The following ST14 variants were observed in gnomAD, a reference collection of about 807,000 sequenced individuals.
ST14 encodes suppressor of tumorigenicity 14 protein.
Under a neutral mutation model 96.5 loss-of-function variants are expected in ST14, and 40 were observed. The ratio of observed to expected loss-of-function variants is 0.41; its 90% CI spans 0.32 to 0.54. The LOEUF (loss-of-function observed/expected upper bound fraction) is 0.54. Ranked by LOEUF, ST14 falls within the 20% of genes least tolerant of loss-of-function variation. ST14 has a pLI of 0.17. For synonymous variants in ST14, 506 were observed against 492.1 expected (o/e 1.03, Z -0.37); for missense variants, 1,066 against 1,188.9 (o/e 0.90, Z 1.52).
At chr11:130,163,334 G>A (rs1953013206) in intron 1 of ST14, among the ~76,000 whole-genome samples, 1 of 152,190 alleles carries the variant, frequency 6.6e-6, no homozygotes, top group African/African-American at 2.4e-5. Flanking sequence ...ATCTTTCTAT[G>A]AAAAGAAAAT....
At position 130,181,269 on chromosome 11, in the gene ST14, C is replaced by A. The variant is rs990740393; in HGVS notation, c.82-6845C>A. On this transcript the variant is annotated intron_variant, in intron 1 of 18. Coordinates refer to ENST00000278742, the MANE Select transcript of ST14 (RefSeq NM_021978.4). This position sits in a 1 kb window ranked among gnomAD's most constrained non-coding sequence, Gnocchi z 4.1. ...AGATCCTGGCCCTTTAGGGTCTGTACCCTGCTTGTCCTGAGCCCTTTATCC... is the reference window on the plus strand; with the variant it reads ...AGATCCTGGCCCTTTAGGGTCTGTAACCTGCTTGTCCTGAGCCCTTTATCC... Among the ~76,000 whole-genome samples the A allele has an allele frequency of 1.3e-5, 2 of 152,104 alleles. No homozygotes were observed. Among genetic ancestry groups the A allele is most frequent in the Admixed American group, 6.5e-5 (1 of 15,274 alleles).
chr11:130,177,203 C>A (rs1953147349), intron 1 of ST14, among the ~76,000 whole-genome samples: 1 of 152,100 alleles, frequency 6.6e-6, no homozygotes, highest in South Asian at 2.1e-4. Context: ...TTCGATTTCC[C>A]ACCTTAGCCA....
At chr11:130,201,464 T>C (rs540459794) in intron 16 of ST14, among the ~76,000 whole-genome samples, 4 of 152,228 alleles carry the variant, frequency 2.6e-5, no homozygotes, top group Non-Finnish European at 4.4e-5. Context: ...GAGGCACAGA[T>C]GGAGTGTGCT....
intron 1 of ST14, among the ~76,000 whole-genome samples, chr11:130,169,266 T>G (rs986116947): frequency 6.6e-6 from 1 of 152,092 alleles, no homozygotes; most frequent in Non-Finnish European, 1.5e-5. Flanking sequence ...AGCTAATTTT[T>G]GTATTTTTAG....
chr11:130,204,676 G>C (rs1953468498), intron 16 of ST14, among the ~76,000 whole-genome samples: 1 of 152,084 alleles, frequency 6.6e-6, no homozygotes. Flanking sequence ...GCTGAGCATG[G>C]TGGCATGCAC....
rs2276117 is a variant in ST14 at position 130,199,809 on chromosome 11, C to T, written c.1808-142C>T. On this transcript the variant is annotated intron_variant, in intron 15 of 18. Coordinates refer to ENST00000278742, the MANE Select transcript of ST14 (RefSeq NM_021978.4). Reference sequence around the variant, plus strand: ...CAAAGATAGTTTTGGGGGTCCCTCACGCCCTGGCCACGCCAGCAGTGCTGT... The same window carrying T: ...CAAAGATAGTTTTGGGGGTCCCTCATGCCCTGGCCACGCCAGCAGTGCTGT... 459,826 of 945,828 alleles carry T rather than the reference C, an allele frequency of 0.49. 116,678 individuals carry two copies. The highest frequency in any genetic ancestry group is 0.77 in the East Asian group (31,786 of 41,438). 58.6% of individuals were successfully genotyped at this position (945,828 alleles called of 1,614,324 possible). A position where few individuals can be genotyped will look rare whatever the true frequency, so the allele number is the denominator to read the frequency against.
chr11:130,199,524 A>G (rs1953405745), intron 15 of ST14, among the ~76,000 whole-genome samples: 1 of 152,172 alleles, frequency 6.6e-6, no homozygotes, highest in South Asian at 2.1e-4. Flanking sequence ...GTGACCTCAC[A>G]TCAGCGGTTC....
intron 8 of ST14, 37 bp from the exon 9 acceptor site, chr11:130,194,603 T>A (rs1388320702): frequency 1.2e-6 from 2 of 1,608,830 alleles, no homozygotes; most frequent in East Asian, 4.5e-5. Context: ...CCGGGCAGGT[T>A]CCTGATCCTC....
In ST14 at chr11:130,181,716, C is replaced by T. The variant is rs1020820736; in HGVS notation, c.82-6398C>T. ...ACTTTATTAACTTTGTGACCTTGGA[C>T]AGGCCACTCCCTCTCTTTCATCCTC... is the stretch of plus-strand genomic sequence containing the variant. On this transcript the variant is annotated intron_variant, in intron 1 of 18. Transcript: ENST00000278742. The surrounding 1 kb of genome is among the most constrained non-coding windows in gnomAD (Gnocchi z 4.1). Among the ~76,000 whole-genome samples, 1 of 151,964 alleles carries T rather than the reference C, an allele frequency of 6.6e-6. No homozygotes were observed. Among genetic ancestry groups the T allele is most frequent in the African/African-American group, 2.4e-5 (1 of 41,398 alleles).
At chr11:130,171,022 G>A (rs1197720624) in intron 1 of ST14, among the ~76,000 whole-genome samples, 1 of 152,262 alleles carries the variant, frequency 6.6e-6, no homozygotes, top group Admixed American at 6.5e-5. Context: ...GCAGTGAAAC[G>A]GGAAATCTGA....
chr11:130,191,011 T>A (rs887496105), intron 7 of ST14, among the ~76,000 whole-genome samples: 2 of 152,180 alleles, frequency 1.3e-5, no homozygotes, highest in African/African-American at 4.8e-5. Context: ...GCTTTATTAT[T>A]CAGGGATATG....
At chr11:130,193,716 C>T (rs993519730) in intron 7 of ST14, among the ~76,000 whole-genome samples, 1 of 152,142 alleles carries the variant, frequency 6.6e-6, no homozygotes, top group Non-Finnish European at 1.5e-5. Flanking sequence ...GTGATTCACC[C>T]GCCTTGGCCT....
chr11:130,198,127 G>A (rs1389816563), intron 12 of ST14, among the ~76,000 whole-genome samples, 181 bp from the exon 13 acceptor site: 2 of 152,244 alleles, frequency 1.3e-5, no homozygotes, highest in African/African-American at 4.8e-5. Flanking sequence ...CTTGGCCTGT[G>A]GGGCAGGTGG....
chr11:130,194,798 G>A (rs1474621953), intron 9 of ST14, 61 bp downstream of exon 9: 2 of 1,554,620 alleles, frequency 1.3e-6, no homozygotes, highest in Non-Finnish European at 1.8e-6. Flanking sequence ...ACGTGTGTGT[G>A]TCTCCCTGTG....
rs111252177 is a variant in ST14, at chr11:130,190,394, C to T, written c.635-60C>T. 1.6e-5 allele frequency: 25 copies of T among 1,598,828 alleles called. No homozygotes were observed. The African/African-American group carries it at 2.0e-4, about 13-fold the overall frequency. ...TCCACACCCACGGGGTCTCAGGGTC[C>T]TCCCCCAGCTCTGCCCAGCCCTGCC... On this transcript the variant is annotated intron_variant, in intron 6 of 18. Transcript: ENST00000278742.
intron 1 of ST14, among the ~76,000 whole-genome samples, chr11:130,162,149 C>T (rs754211942): frequency 1.1e-4 from 16 of 152,172 alleles, no homozygotes; most frequent in Non-Finnish European, 1.8e-4. Context: ...TGCATCCATC[C>T]GTGCACCCTT....
chr11:130,188,716 G>A lies in ST14; in HGVS notation c.369+59G>A. On this transcript the variant is annotated intron_variant, in intron 3 of 18. Coordinates refer to ENST00000278742, the MANE Select transcript of ST14 (RefSeq NM_021978.4). The surrounding 1 kb of genome is among the most constrained non-coding windows in gnomAD (Gnocchi z 5.4). ...GTGTGCGCTGGTGTCCCACCTGCTG[G>A]GCAGGAGGGACATGCCTCGCCTGTG... 6.2e-7 allele frequency: 1 copy of A among 1,612,262 alleles called. No individual in the cohort carries two copies. Among genetic ancestry groups the A allele is most frequent in the Middle Eastern group, 1.7e-4 (1 of 6,034 alleles).
chr11:130,205,187 C>T lies in ST14; in HGVS notation c.1995-3223C>T, dbSNP rs914930152. On this transcript the variant is annotated intron_variant, in intron 16 of 18. Transcript: ENST00000278742. ...CTGTCCCCAGGCTGGAGTGCAGCAG[C>T]GTGATCTCAGCTCACTGCAACCTCT... Among the ~76,000 whole-genome samples, 14 of 152,024 alleles carry T rather than the reference C, an allele frequency of 9.2e-5. No individual in the cohort carries two copies. The South Asian group carries it at 1.0e-3, about 11-fold the overall frequency.
At chr11:130,204,454 G>A (rs1274534786) in intron 16 of ST14, among the ~76,000 whole-genome samples, 1 of 152,194 alleles carries the variant, frequency 6.6e-6, no homozygotes, top group Non-Finnish European at 1.5e-5. Flanking sequence ...ATTGGGCATA[G>A]CCTAGGTTGG....
Sources: allele counts gnomAD v4.1 joint callset (sites outside exome capture counted in the v4.1 genomes callset), GRCh38; gene constraint gnomAD v4.1.1; non-coding constraint Gnocchi (gnomAD v3.1); transcripts MANE v1.5; gene names NCBI Gene and HGNC (gene_info 2026-07-23, HGNC 2026-07-21).